The following SLC35F5 variants were observed in gnomAD, a reference collection of about 807,000 sequenced individuals.
SLC35F5 encodes solute carrier family 35 member F5.
Under a neutral mutation model 68.6 loss-of-function variants are expected in SLC35F5, and 54 were observed. The ratio of observed to expected loss-of-function variants is 0.79; its 90% confidence interval spans 0.63 to 0.99. The LOEUF is 0.99. SLC35F5 is among the 50% of genes least tolerant of loss of function. The pLI is 0.00. For missense variants in SLC35F5, 567 were observed against 626.9 expected (o/e 0.90, Z 1.02); for synonymous variants, 211 against 205.2 (o/e 1.03, Z -0.24).
intron 13 of SLC35F5, among the ~76,000 whole-genome samples, chr2:113,720,971 C>T (rs1687407764): frequency 6.6e-6 from 1 of 152,022 alleles, no homozygotes; most frequent in Admixed American, 6.6e-5. Context: ...AAGAAAATTA[C>T]CTATGTAAAC....
In SLC35F5 at chr2:113,714,237, A is replaced by G. The variant is rs1687094558; in HGVS notation, c.*981T>C. 1 of 152,158 alleles carries G rather than the reference A, an allele frequency of 6.6e-6. No individual in the cohort carries two copies. The highest frequency in any genetic ancestry group is 6.5e-5 in the Admixed American group (1 of 15,272). 9.4% of individuals were successfully genotyped at this position (152,158 alleles called of 1,614,324 possible). The stretch of plus-strand genomic sequence containing the variant: ...CTTACTTGGTACTTTAACCATTACA[A>G]ATTTATTCAGGAAAACTAAAATTAT... On this transcript the variant is annotated 3_prime_UTR_variant, in exon 16 of 16. Coordinates refer to ENST00000245680, the MANE Select transcript of SLC35F5 (RefSeq NM_025181.5).
chr2:113,750,518 T>C lies in SLC35F5; in HGVS notation c.324A>G (p.Thr108=), dbSNP rs752007838. The change falls in exon 4 of 16, where the codon ACA becomes ACG. Residue 108 remains threonine (T), a synonymous_variant. Coordinates refer to ENST00000245680, the MANE Select transcript of SLC35F5 (RefSeq NM_025181.5). ...NKPFFSTFAK[T]SMFVLYLLGF... is the part of the protein sequence containing the mutation. ...CCAAAAGGTACAAAACAAACATAGA[T>C]GTTTTTGCAAAGGTGCTGAAGAATG... 5.6e-6 allele frequency: 9 copies of C among 1,613,536 alleles called. No homozygotes were observed. The Admixed American group carries it at 1.5e-4, about 27-fold the overall frequency.
intron 7 of SLC35F5, 148 bp from the exon 8 acceptor site, chr2:113,736,006 C>A: frequency 1.9e-6 from 1 of 533,946 alleles, no homozygotes; most frequent in South Asian, 2.8e-5. Context: ...AAATCACAGG[C>A]TCCCAAAAAA....
intron 10 of SLC35F5, among the ~76,000 whole-genome samples, chr2:113,731,235 C>T (rs892047365): frequency 1.3e-5 from 2 of 151,850 alleles, no homozygotes; most frequent in African/African-American, 2.4e-5. Context: ...TAAGGAAACA[C>T]GACAATTAAA....
At chr2:113,743,641 C>A in intron 6 of SLC35F5, 72 bp downstream of exon 6, 3 of 1,219,056 alleles carry the variant, frequency 2.5e-6, no homozygotes, top group Non-Finnish European at 2.4e-6. Flanking sequence ...TTCAGTCAAC[C>A]CACATCATCA....
chr2:113,707,205 G>A lies in SLC35F5; in HGVS notation c.*8013C>T, dbSNP rs147190977. Among the ~76,000 whole-genome samples, 73 of 152,140 alleles carry A rather than the reference G, an allele frequency of 4.8e-4. No individual in the cohort carries two copies. The highest frequency in any genetic ancestry group is 1.6e-3 in the African/African-American group (68 of 41,514). On this transcript the variant is annotated 3_prime_UTR_variant, in exon 16 of 16. Coordinates refer to ENST00000245680, the MANE Select transcript of SLC35F5 (RefSeq NM_025181.5). Reference sequence around the variant, plus strand: ...ATTATAAATATTTCATCTTCCGAAAGTACTCTTTGATTACCTCTGGCCTTC... The same window carrying A: ...ATTATAAATATTTCATCTTCCGAAAATACTCTTTGATTACCTCTGGCCTTC...
At position 113,713,484 on chromosome 2, in the gene SLC35F5, T is replaced by C. The variant is rs2290107; in HGVS notation, c.*1734A>G. The stretch of plus-strand genomic sequence containing the variant: ...TTACCCTGTAAATTGCTGAAGGTCT[T>C]TGTGAACTGTCGAACAGCAAAAACA... On this transcript the variant is annotated 3_prime_UTR_variant, in exon 16 of 16. Transcript: ENST00000245680. 0.23 allele frequency: 35,205 copies of C among 152,064 alleles called. 4,440 individuals carry two copies. Among genetic ancestry groups the C allele is most frequent in the Middle Eastern group, 0.49 (143 of 294 alleles). 9.4% of individuals were successfully genotyped at this position (152,064 alleles called of 1,614,324 possible). A position where few individuals can be genotyped will look rare whatever the true frequency, so the allele number is the denominator to read the frequency against.
intron 8 of SLC35F5, among the ~76,000 whole-genome samples, chr2:113,735,297 GATAA>G (rs1309822095): frequency 6.6e-6 from 1 of 152,156 alleles, no homozygotes; most frequent in Non-Finnish European, 1.5e-5. Flanking sequence ...TAACAACAGG[GATAA>G]ATACAGAGAA....
At chr2:113,705,606 G>A (rs1321134685), downstream of SLC35F5, 1 of 151,990 alleles carries the variant, frequency 6.6e-6, no homozygotes, top group African/African-American at 2.4e-5. Flanking sequence ...ATCTCTAAAG[G>A]TTAGGATTGA....
rs976137726 is a variant in SLC35F5, at chr2:113,746,337, A to C, written c.420T>G (p.Phe140Leu). The C allele has an allele frequency of 6.3e-5, 101 of 1,611,334 alleles. No individual in the cohort carries two copies. The highest frequency in any genetic ancestry group is 8.4e-5 in the Non-Finnish European group (99 of 1,178,176). Residue 140 changes from phenylalanine (F) to leucine (L), a missense_variant and splice_region_variant, in exon 5 of 16, where the codon TTT becomes TTG. Transcript: ENST00000245680. ...CAGCAAAGTAACCTTCAGCATCTGC[A>C]AACTAAATACAGATAACAAGATACA... ...RGLRGKHAAF[F>L]ADAEGYFAAC...
At chr2:113,754,367 T>A (rs983134859) in intron 3 of SLC35F5, among the ~76,000 whole-genome samples, 8 of 152,050 alleles carry the variant, frequency 5.3e-5, no homozygotes, top group Non-Finnish European at 1.2e-4. Flanking sequence ...TTTACTTAGC[T>A]ACAATATGAG....
chr2:113,739,318 T>G (rs1347405048), intron 7 of SLC35F5, among the ~76,000 whole-genome samples: 1 of 151,280 alleles, frequency 6.6e-6, no homozygotes, highest in Non-Finnish European at 1.5e-5. Flanking sequence ...GTTGTGCTAT[T>G]GTTTTTCAAT....
At chr2:113,728,042 A>C (rs541346803) in intron 11 of SLC35F5, among the ~76,000 whole-genome samples, 133 of 152,288 alleles carry the variant, frequency 8.7e-4, no homozygotes, top group African/African-American at 3.1e-3. Context: ...CCCAGGCTAG[A>C]GTGCAGAGAC....
Position 113,742,786 on chromosome 2 carries a change from G to T in SLC35F5, c.656C>A (p.Ser219Ter). ...HALEAKLSRM[S>*]YPVKEQESIL... ...GGATTCTTGTTCTTTCACAGGATAT[G>T]ACATGCGAGACAACTTTGCTTCCAA... The change falls in exon 7 of 16, where the codon TCA (serine) becomes TAA (stop). Residue 219 changes from serine (S) to a stop codon, truncating the protein, a stop_gained. Coordinates refer to ENST00000245680, the MANE Select transcript of SLC35F5 (RefSeq NM_025181.5). LOFTEE classifies it high-confidence loss of function. 6.2e-7 allele frequency: 1 copy of T among 1,614,062 alleles called. No homozygotes were observed. The highest frequency in any genetic ancestry group is 1.1e-5 in the South Asian group (1 of 91,082).
chr2:113,756,318 T>C (rs1676986931), intron 1 of SLC35F5, 52 bp downstream of exon 1: 4 of 1,552,760 alleles, frequency 2.6e-6, no homozygotes, highest in East Asian at 2.4e-5. Flanking sequence ...TGGTGGGCAC[T>C]CCGTCCCGGT....
intron 7 of SLC35F5, among the ~76,000 whole-genome samples, chr2:113,736,241 C>G (rs150821875): frequency 7.2e-4 from 108 of 150,942 alleles, no homozygotes; most frequent in African/African-American, 2.5e-3. Context: ...CCCAGAAAGA[C>G]CAGCCTGGGC....
chr2:113,725,706 C>CAA, intron 11 of SLC35F5, 169 bp from the exon 12 acceptor site: 3 of 487,340 alleles, frequency 6.2e-6, no homozygotes, highest in Non-Finnish European at 3.6e-6. Context: ...AGCTCAACGC[C>CAA]ATAGAAAAAA....
chr2:113,706,635 C>T (rs557172995), downstream of SLC35F5, among the ~76,000 whole-genome samples: 96 of 152,186 alleles, frequency 6.3e-4, no homozygotes, highest in South Asian at 0.019. Context: ...GTTTGGTCTC[C>T]AAAGCTGAGT....
chr2:113,716,825 T>A (rs1687200878), intron 15 of SLC35F5, among the ~76,000 whole-genome samples: 1 of 152,148 alleles, frequency 6.6e-6, no homozygotes, highest in Non-Finnish European at 1.5e-5. Flanking sequence ...ATAAACTAGA[T>A]TTAAAAACAG....
Sources: allele counts gnomAD v4.1 joint callset (sites outside exome capture counted in the v4.1 genomes callset), GRCh38; gene constraint gnomAD v4.1.1; transcripts MANE v1.5; gene names NCBI Gene and HGNC (gene_info 2026-07-23, HGNC 2026-07-21).